C11orf65: variants seen among roughly 807,000 people sequenced by gnomAD.
C11orf65 encodes protein MFI.
C11orf65 carries 38 observed loss-of-function variants against 35.3 expected under a neutral mutation model. That is an observed-to-expected ratio of 1.08 (90% CI 0.83 to 1.41). C11orf65 has a LOEUF of 1.41. Among genes scored for constraint, C11orf65 ranks in the 40% most tolerant of loss-of-function variants. The pLI is 0.00. For synonymous variants in C11orf65, 105 were observed against 114.4 expected (o/e 0.92, Z 0.53); for missense variants, 370 against 367.1 (o/e 1.01, Z -0.06).
intron 6 of C11orf65, among the ~76,000 whole-genome samples, chr11:108,312,717 A>G (rs183004065): frequency 5.0e-4 from 76 of 152,336 alleles, no homozygotes; most frequent in Middle Eastern, 3.4e-3. Context: ...CTTATCTGAA[A>G]GACGAAGGTA....
At chr11:108,382,687 G>C (rs1426658874), downstream of C11orf65, 4 of 740,894 alleles carry the variant, frequency 5.4e-6, no homozygotes, top group Admixed American at 1.9e-4. Flanking sequence ...AAGGGACCGA[G>C]AGCTCTGCCT....
chr11:108,445,529 T>C (rs1038393662), intron 2 of C11orf65, among the ~76,000 whole-genome samples: 17 of 152,118 alleles, frequency 1.1e-4, no homozygotes, highest in African/African-American at 4.1e-4. Context: ...AGTGGACCTC[T>C]AGCAAACTCC....
downstream of C11orf65, among the ~76,000 whole-genome samples, chr11:108,379,767 C>T (rs1412651071): frequency 3.3e-5 from 5 of 152,022 alleles, no homozygotes; most frequent in Non-Finnish European, 7.4e-5. Context: ...GTTCCCTTGA[C>T]AAGGTGAAGG....
At chr11:108,332,401 C>T (rs1371703936) in intron 3 of C11orf65, among the ~76,000 whole-genome samples, 1 of 152,076 alleles carries the variant, frequency 6.6e-6, no homozygotes, top group Non-Finnish European at 1.5e-5. Flanking sequence ...CATTGCACTC[C>T]AGCCTGGGCA....
chr11:108,367,260 T>G (rs1289382131), intron 2 of C11orf65: 1 of 179,936 alleles, frequency 5.6e-6, no homozygotes, highest in African/African-American at 2.4e-5. Flanking sequence ...GTGCTGGGAT[T>G]ACAGGTGTGA....
intron 2 of C11orf65, among the ~76,000 whole-genome samples, chr11:108,452,455 A>G (rs1023992563): frequency 2.3e-4 from 35 of 152,230 alleles, no homozygotes; most frequent in Admixed American, 3.9e-4. Flanking sequence ...ATGAGATACC[A>G]TCTCACACCA....
At chr11:108,386,890 G>A (rs1485203424) in intron 7 of C11orf65, among the ~76,000 whole-genome samples, 1 of 151,922 alleles carries the variant, frequency 6.6e-6, no homozygotes, top group African/African-American at 2.4e-5. Context: ...GACGACCCTG[G>A]CTAACACGGT....
At chr11:108,446,248 C>G (rs889351006) in intron 2 of C11orf65, among the ~76,000 whole-genome samples, 1 of 151,738 alleles carries the variant, frequency 6.6e-6, no homozygotes, top group African/African-American at 2.4e-5. Flanking sequence ...TCTAGCAAGG[C>G]AGGCCAACAT....
intron 2 of C11orf65, chr11:108,355,880 T>C (rs936730402): frequency 1.3e-5 from 2 of 152,128 alleles, no homozygotes; most frequent in Admixed American, 1.3e-4. Flanking sequence ...ATCAGGGTGG[T>C]CCTGTGTGCA....
At chr11:108,358,574 C>A in intron 2 of C11orf65, among the ~76,000 whole-genome samples, 1 of 121,462 alleles carries the variant, frequency 8.2e-6, no homozygotes, top group Non-Finnish European at 1.7e-5. Context: ...AAAGGGAAGC[C>A]CATCAGACTA....
intron 6 of C11orf65, chr11:108,316,179 G>C: frequency 7.1e-7 from 1 of 1,403,510 alleles, no homozygotes; most frequent in Non-Finnish European, 1.0e-6. Flanking sequence ...TCAGTATGTT[G>C]GTGGATATTT....
chr11:108,331,609 C>A (rs1425790126), intron 3 of C11orf65: 1 of 1,440,210 alleles, frequency 6.9e-7, no homozygotes, highest in African/African-American at 1.4e-5. Flanking sequence ...TCTATTATTA[C>A]TATATATTAT....
At chr11:108,438,939 G>A (rs1381295488) in intron 2 of C11orf65, among the ~76,000 whole-genome samples, 11 of 152,094 alleles carry the variant, frequency 7.2e-5, no homozygotes, top group Admixed American at 5.9e-4. Flanking sequence ...GCAGGAGGCA[G>A]AGGTTGCAGT....
At chr11:108,389,697 T>G (rs1038327586) in intron 7 of C11orf65, among the ~76,000 whole-genome samples, 4 of 152,202 alleles carry the variant, frequency 2.6e-5, no homozygotes, top group Non-Finnish European at 5.9e-5. Context: ...TGTTTTGTTT[T>G]GAGACAGAGT....
At chr11:108,328,518 T>G (rs4988118), downstream of C11orf65, among the ~76,000 whole-genome samples, 3 of 152,170 alleles carry the variant, frequency 2.0e-5, no homozygotes, top group Admixed American at 6.5e-5. Flanking sequence ...AGTGCTGGCA[T>G]TACAGGCTTG....
rs1555124094 is a variant in C11orf65 at position 108,331,528 on chromosome 11, G to C, written c.*22C>G. The C allele has an allele frequency of 2.5e-6, 4 of 1,612,690 alleles. No individual in the cohort carries two copies. Among genetic ancestry groups the C allele is most frequent in the Non-Finnish European group, 3.4e-6 (4 of 1,179,490 alleles). ...TAGAATGGGGACCAAGATGATGGGA[G>C]GCCTAGGATTTCATGAAGTCCTCAA... On this transcript the variant is annotated 3_prime_UTR_variant, in exon 4 of 4. Transcript: ENST00000524755.
At position 108,415,922 on chromosome 11, in the gene C11orf65, GAA is replaced by G. The variant is rs368228039; in HGVS notation, c.175-8775_175-8774del. 5.6e-3 allele frequency among the ~76,000 whole-genome samples: 833 copies of G among 148,908 alleles called. 26 individuals are homozygous for G. In the East Asian group the frequency reaches 0.099, roughly 18 times the overall value. On this transcript the variant is annotated intron_variant, in intron 3 of 8. Transcript: ENST00000393084. ...GGACATTGCGGGAATCCACGTTCAA[GAA>G]AAAAAAAATCTAGACAAAGATCTTA... is the stretch of plus-strand genomic sequence containing the variant.
intron 2 of C11orf65, among the ~76,000 whole-genome samples, chr11:108,447,347 C>T (rs2093278293): frequency 6.6e-6 from 1 of 152,108 alleles, no homozygotes; most frequent in African/African-American, 2.4e-5. Context: ...TTTAGCACCA[C>T]ACCACACCTA....
chr11:108,386,405 C>T (rs1456871580), intron 7 of C11orf65, among the ~76,000 whole-genome samples: 5 of 152,152 alleles, frequency 3.3e-5, no homozygotes, highest in African/African-American at 9.7e-5. Context: ...GTCTCTGATA[C>T]GTGAAGGGAA....
Sources: gnomAD v4.1 joint callset for allele counts (sites outside exome capture counted in the v4.1 genomes callset) on GRCh38, gnomAD v4.1.1 for gene constraint, MANE v1.5 for transcripts, NCBI Gene and HGNC (gene_info 2026-07-23, HGNC 2026-07-21) for gene names.